ANKRD52: variants seen among roughly 807,000 people sequenced by gnomAD.
The protein encoded by ANKRD52 is ankyrin repeat domain 52, also known as serine/threonine-protein phosphatase 6 regulatory ankyrin repeat subunit C.
In ANKRD52, 7 loss-of-function variants were observed where a neutral mutation model predicts 116.0. The ratio of observed to expected loss-of-function variants is 0.06; its 90% CI spans 0.03 to 0.11. The LOEUF (loss-of-function observed/expected upper bound fraction) is 0.11. Among genes scored for constraint, ANKRD52 ranks in the 10% least tolerant of loss-of-function variants. ANKRD52 has a pLI of 1.00. For synonymous variants in ANKRD52, 528 were observed against 578.1 expected, an observed-to-expected ratio of 0.91 and a Z score of 1.24; for missense variants, 839 against 1,408.6, an observed-to-expected ratio of 0.60 and a Z score of 6.47.
At position 56,243,066 on chromosome 12, in the gene ANKRD52, C is replaced by T; in HGVS notation, c.*76G>A. 6.8e-7 allele frequency: 1 copy of T among 1,467,140 alleles called. No homozygotes were observed. The highest frequency in any genetic ancestry group is 9.0e-7 in the Non-Finnish European group (1 of 1,108,568). 90.9% of individuals were successfully genotyped at this position (1,467,140 alleles called of 1,614,324 possible). ...CCAGTCGTGTTCTCCTTTAAAGTGC[C>T]CTAAATGTTTAGACTTTTTCTAAAT... On this transcript the variant is annotated 3_prime_UTR_variant, in exon 28 of 28. Transcript: ENST00000267116. The surrounding 1 kb of genome is among the most constrained non-coding windows in gnomAD (Gnocchi z 4.6).
In ANKRD52 at chr12:56,255,155, A is replaced by T; in HGVS notation, c.463-203T>A. Reference sequence around the variant, plus strand: ...AGAGATTTGGAACTTTAAGGGAAACAAGAGAGTCTCTTCAGGTGATCTGGT... The same window carrying T: ...AGAGATTTGGAACTTTAAGGGAAACTAGAGAGTCTCTTCAGGTGATCTGGT... On this transcript the variant is annotated intron_variant, in intron 5 of 27. Coordinates refer to ENST00000267116, the MANE Select transcript of ANKRD52 (RefSeq NM_173595.4). This position sits in a 1 kb window ranked among gnomAD's most constrained non-coding sequence, Gnocchi z 4.3. 1 of 525,514 alleles carries T rather than the reference A, an allele frequency of 1.9e-6. No homozygotes were observed. The highest frequency in any genetic ancestry group is 3.4e-6 in the Non-Finnish European group (1 of 293,214). The allele number at this position is 525,514 out of a possible 1,614,324, so 32.6% of individuals were successfully genotyped here. A position where few individuals can be genotyped will look rare whatever the true frequency, so the allele number is the denominator to read the frequency against.
rs1007884284 is a variant in ANKRD52 at position 56,252,201 on chromosome 12, G to A, written c.1485C>T (p.Tyr495=). The change falls in exon 14 of 28, where the codon TAC becomes TAT. Residue 495 remains tyrosine (Y), a synonymous_variant. Coordinates refer to ENST00000267116, the MANE Select transcript of ANKRD52 (RefSeq NM_173595.4). This position sits in a 1 kb window ranked among gnomAD's most constrained non-coding sequence, Gnocchi z 4.7. ...ADCKGCSPLH[Y]AAASDTYRRA... is the part of the protein sequence containing the mutation. ...TCCTGTAAGTGTCAGAAGCGGCAGC[G>A]TAGTGGAGGGGAGAGCAGCCTTTAC... The A allele has an allele frequency of 9.9e-6, 16 of 1,613,886 alleles. No individual in the cohort carries two copies. The highest frequency in any genetic ancestry group is 2.7e-5 in the African/African-American group (2 of 74,922).
chr12:56,243,033 C>T lies in ANKRD52; in HGVS notation c.*109G>A. 3 of 1,394,418 alleles carry T rather than the reference C, an allele frequency of 2.2e-6. No homozygotes were observed. The highest frequency in any genetic ancestry group is 2.8e-6 in the Non-Finnish European group (3 of 1,058,700). 86.4% of individuals were successfully genotyped at this position (1,394,418 alleles called of 1,614,324 possible). A position where few individuals can be genotyped will look rare whatever the true frequency, so the allele number is the denominator to read the frequency against. ...CCCCAGGGCTTCCTTCCCCTCCGCC[C>T]CCTCCACCCAGTCGTGTTCTCCTTT... On this transcript the variant is annotated 3_prime_UTR_variant, in exon 28 of 28. Coordinates refer to ENST00000267116, the MANE Select transcript of ANKRD52 (RefSeq NM_173595.4). The surrounding 1 kb of genome is among the most constrained non-coding windows in gnomAD (Gnocchi z 4.6).
rs1177529561 is a variant in ANKRD52, at chr12:56,255,648, T to C, written c.462+136A>G. The C allele has an allele frequency of 8.1e-6, 6 of 736,366 alleles. No homozygotes were observed. The highest frequency in any genetic ancestry group is 1.3e-5 in the Non-Finnish European group (6 of 454,224). 45.6% of individuals were successfully genotyped at this position (736,366 alleles called of 1,614,324 possible). A position where few individuals can be genotyped will look rare whatever the true frequency, so the allele number is the denominator to read the frequency against. On this transcript the variant is annotated intron_variant, in intron 5 of 27. Transcript: ENST00000267116. This position sits in a 1 kb window ranked among gnomAD's most constrained non-coding sequence, Gnocchi z 4.3. ...TAATCTAGTCTGACCATTCATTTAG[T>C]GCTTCAGCTTAAGTGTTTATATAAC...
chr12:56,258,171 A>G, intron 1 of ANKRD52, 72 bp downstream of exon 1: 2 of 1,562,966 alleles, frequency 1.3e-6, no homozygotes, highest in South Asian at 2.4e-5. Context: ...CCTAGGCCGC[A>G]CATCCCCGGG....
chr12:56,250,919 T>C (rs940505562), intron 15 of ANKRD52, among the ~76,000 whole-genome samples: 3 of 152,038 alleles, frequency 2.0e-5, no homozygotes, highest in African/African-American at 7.2e-5. Context: ...TCATCCTTTT[T>C]AAATTTTTAT....
intron 15 of ANKRD52, among the ~76,000 whole-genome samples, chr12:56,250,695 G>C (rs1236405066): frequency 6.7e-6 from 1 of 148,354 alleles, no homozygotes; most frequent in Admixed American, 6.7e-5. Flanking sequence ...ACCAGTGTGG[G>C]CAACACAGAG....
Position 56,257,848 on chromosome 12 carries a change from T to G in ANKRD52, c.91A>C (p.Lys31Gln), listed in dbSNP as rs1292752468. 1 of 1,613,792 alleles carries G rather than the reference T, an allele frequency of 6.2e-7. No individual in the cohort carries two copies. The highest frequency in any genetic ancestry group is 1.1e-5 in the South Asian group (1 of 91,066). The part of the protein sequence containing the change: ...VEEVRSLLSQ[K>Q]ENINVLDQER... ...CTCACCAGCACATTGATGTTCTCCT[T>G]CTGCGAGAGTAGGGAACGCACTTCC... is the stretch of plus-strand genomic sequence containing the variant. Residue 31 changes from lysine (K) to glutamine (Q), a missense_variant, in exon 2 of 28, where the codon AAG (lysine) becomes CAG (glutamine). By Grantham distance (53) the Lys-to-Gln change is moderately conservative. Around this residue, in one of 2 missense-constraint regions of ANKRD52, gnomAD observed 287 missense variants for 598.1 expected, o/e 0.48. Transcript: ENST00000267116.
rs963681099 is a variant in ANKRD52 at position 56,240,349 on chromosome 12, C to T, written c.*2793G>A. On this transcript the variant is annotated 3_prime_UTR_variant, in exon 28 of 28. Transcript: ENST00000267116. This position sits in a 1 kb window ranked among gnomAD's most constrained non-coding sequence, Gnocchi z 4.2. ...ATTCACACGTCTGTTTCCCTGTCTCCTATGTCGCCCTCGCTCTGTTTCCTT... is the reference window on the plus strand; with the variant it reads ...ATTCACACGTCTGTTTCCCTGTCTCTTATGTCGCCCTCGCTCTGTTTCCTT... 2.0e-5 allele frequency: 3 copies of T among 152,238 alleles called. No individual in the cohort carries two copies. Among genetic ancestry groups the T allele is most frequent in the Non-Finnish European group, 4.4e-5 (3 of 68,052 alleles). 9.4% of individuals were successfully genotyped at this position (152,238 alleles called of 1,614,324 possible).
rs932234786 is a variant in ANKRD52, at chr12:56,242,071, A to G, written c.*1071T>C. The G allele has an allele frequency of 1.8e-5, 7 of 398,482 alleles. No homozygotes were observed. The highest frequency in any genetic ancestry group is 3.1e-5 in the Non-Finnish European group (7 of 226,092). 24.7% of individuals were successfully genotyped at this position (398,482 alleles called of 1,614,324 possible). On this transcript the variant is annotated 3_prime_UTR_variant, in exon 28 of 28. Transcript: ENST00000267116. The surrounding 1 kb of genome is among the most constrained non-coding windows in gnomAD (Gnocchi z 4.3). ...GCTTCAGATCAGGAGTGACTGGGGC[A>G]GTGGGTACTCTTGGACATAACGGAA...
Position 56,245,145 on chromosome 12 carries a change from G to A in ANKRD52, c.2450C>T (p.Ser817Leu), listed in dbSNP as rs780759590. ...LELLLEHSPF[S>L]YLEGNPFTPL... is the part of the protein sequence containing the mutation. Reference sequence around the variant, plus strand: ...AGTGAAGGGGTTTCCTTCCAGGTACGAAAACGGGCTGTGTTCAAGTAACAA... The same window carrying A: ...AGTGAAGGGGTTTCCTTCCAGGTACAAAAACGGGCTGTGTTCAAGTAACAA... Residue 817 changes from serine to leucine, a missense_variant, in exon 22 of 28, where the codon TCG becomes TTG. Transcript: ENST00000267116. 3.7e-6 allele frequency: 6 copies of A among 1,613,976 alleles called. No homozygotes were observed. The highest frequency in any genetic ancestry group is 1.7e-5 in the Admixed American group (1 of 60,020).
At chr12:56,257,123 G>A (rs1565613302) in intron 3 of ANKRD52, 38 bp from the exon 4 acceptor site, 6 of 1,601,688 alleles carry the variant, frequency 3.7e-6, no homozygotes, top group African/African-American at 1.3e-5. Flanking sequence ...TGGAAGGTGG[G>A]GAGGAGGTAT....
In ANKRD52 at chr12:56,254,532, C is replaced by T; in HGVS notation, c.693+46G>A. 6.2e-7 allele frequency: 1 copy of T among 1,601,432 alleles called. No homozygotes were observed. Among genetic ancestry groups the T allele is most frequent in the African/African-American group, 1.3e-5 (1 of 74,650 alleles). ...TATCTCCGTAACAGACTATAATCTC[C>T]TACTTGCTGCCCATAGTTCCCAACC... On this transcript the variant is annotated intron_variant, in intron 7 of 27. Transcript: ENST00000267116. The surrounding 1 kb of genome is among the most constrained non-coding windows in gnomAD (Gnocchi z 4.6).
In ANKRD52 at chr12:56,242,413, T is replaced by G. The variant is rs1592385667; in HGVS notation, c.*729A>C. The G allele has an allele frequency of 5.9e-5, 19 of 322,178 alleles. No individual in the cohort carries two copies. The highest frequency in any genetic ancestry group is 1.6e-4 in the South Asian group (1 of 6,082). 20.0% of individuals were successfully genotyped at this position (322,178 alleles called of 1,614,324 possible). A position where few individuals can be genotyped will look rare whatever the true frequency, so the allele number is the denominator to read the frequency against. On this transcript the variant is annotated 3_prime_UTR_variant, in exon 28 of 28. Transcript: ENST00000267116. This position sits in a 1 kb window ranked among gnomAD's most constrained non-coding sequence, Gnocchi z 4.3. ...GCGTGGTTAGGGGCCAGGCTAGGAG[T>G]GGGAGGGAATGGGGAGGGGGCAGGC...
In ANKRD52 at chr12:56,237,842, C is replaced by A; in HGVS notation, c.*5300G>T. The A allele has an allele frequency of 7.8e-7, 1 of 1,285,134 alleles. No homozygotes were observed. Among genetic ancestry groups the A allele is most frequent in the Non-Finnish European group, 1.0e-6 (1 of 964,108 alleles). 79.6% of individuals were successfully genotyped at this position (1,285,134 alleles called of 1,614,324 possible). On this transcript the variant is annotated 3_prime_UTR_variant, in exon 28 of 28. Coordinates refer to ENST00000267116, the MANE Select transcript of ANKRD52 (RefSeq NM_173595.4). ...AGGATTTTAATAAACAGAACCCATC[C>A]CAAAGCCATGACTACGACAGTTGTA... is the stretch of plus-strand genomic sequence containing the variant.
At chr12:56,245,683 C>T (rs547534015) in intron 20 of ANKRD52, 87 bp from the exon 21 acceptor site, 86 of 1,127,840 alleles carry the variant, frequency 7.6e-5, no homozygotes, top group Non-Finnish European at 1.0e-4. Flanking sequence ...GGAGTAAGAA[C>T]CACTTCCAGG....
rs1565606778 is a variant in ANKRD52, at chr12:56,243,364, G to A, written c.3009C>T (p.Pro1003=). 1.2e-6 allele frequency: 2 copies of A among 1,613,764 alleles called. No homozygotes were observed. The highest frequency in any genetic ancestry group is 2.2e-5 in the East Asian group (1 of 44,880). The change falls in exon 28 of 28, where the codon CCC becomes CCT. Residue 1003 remains proline, a synonymous_variant. Coordinates refer to ENST00000267116, the MANE Select transcript of ANKRD52 (RefSeq NM_173595.4). This position sits in a 1 kb window ranked among gnomAD's most constrained non-coding sequence, Gnocchi z 4.6. ...EGHTPALACA[P]NKDVADCLAL... ...CCAGGCAGTCTGCCACATCTTTGTT[G>A]GGGGCACAGGCCAGTGCTGGGGTGT...
In ANKRD52 at chr12:56,248,743, G is replaced by T; in HGVS notation, c.1704+16C>A. The T allele has an allele frequency of 6.3e-7, 1 of 1,592,140 alleles. No individual in the cohort carries two copies. Among genetic ancestry groups the T allele is most frequent in the Non-Finnish European group, 8.6e-7 (1 of 1,166,160 alleles). Reference sequence around the variant, plus strand: ...GCCCCTGCCTCCCCTCCTGCAGGCCGGGCCCCAACACATACCAGTTCGAGG... The same window carrying T: ...GCCCCTGCCTCCCCTCCTGCAGGCCTGGCCCCAACACATACCAGTTCGAGG... On this transcript the variant is annotated intron_variant, in intron 16 of 27. Transcript: ENST00000267116. This position sits in a 1 kb window ranked among gnomAD's most constrained non-coding sequence, Gnocchi z 5.1.
At position 56,255,004 on chromosome 12, in the gene ANKRD52, C is replaced by T; in HGVS notation, c.463-52G>A. The stretch of plus-strand genomic sequence containing the variant: ...TTCAGAGCTAGATTCGTGCCCTCAA[C>T]CTACCTAAGAGCAGAGGCCTCATCT... On this transcript the variant is annotated intron_variant, in intron 5 of 27. Transcript: ENST00000267116. The surrounding 1 kb of genome is among the most constrained non-coding windows in gnomAD (Gnocchi z 4.3). The T allele has an allele frequency of 6.4e-7, 1 of 1,573,288 alleles. No individual in the cohort carries two copies.
Sources: allele counts gnomAD v4.1 joint callset (sites outside exome capture counted in the v4.1 genomes callset), GRCh38; gene constraint gnomAD v4.1.1; regional missense constraint gnomAD v4.1.1; non-coding constraint Gnocchi (gnomAD v3.1); transcripts MANE v1.5; gene names NCBI Gene and HGNC (gene_info 2026-07-23, HGNC 2026-07-21).